Variants in PLCB4 observed in about 807,000 individuals in gnomAD.
The protein encoded by PLCB4 is phospholipase C beta 4, also known as 1-phosphatidylinositol 4,5-bisphosphate phosphodiesterase beta-4.
PLCB4 carries 77 observed loss-of-function variants against 178.8 expected under a neutral mutation model. That is an observed-to-expected ratio of 0.43 (90% CI 0.36 to 0.52). The LOEUF is 0.52. PLCB4 is among the 20% of genes least tolerant of loss of function. PLCB4 has a pLI of 0.00. For missense variants in PLCB4, 1,024 were observed against 1,453.4 expected (o/e 0.70, Z 4.80); for synonymous variants, 496 against 490.8 (o/e 1.01, Z -0.14).
chr20:9,396,839 A>G (rs2038624387), intron 19 of PLCB4, among the ~76,000 whole-genome samples: 1 of 152,244 alleles, frequency 6.6e-6, no homozygotes. Flanking sequence ...TAATTAAAAA[A>G]TACCTATTGC....
At chr20:9,325,238 A>G (rs1176991747) in intron 4 of PLCB4, among the ~76,000 whole-genome samples, 2 of 152,120 alleles carry the variant, frequency 1.3e-5, no homozygotes, top group East Asian at 1.9e-4. Flanking sequence ...TGTGTTTTTA[A>G]TATTTGTTGT....
chr20:9,371,016 G>C, intron 9 of PLCB4, 198 bp from the exon 10 acceptor site: 1 of 545,556 alleles, frequency 1.8e-6, no homozygotes, highest in South Asian at 2.4e-5. Context: ...TGCATCACTA[G>C]ACTAACCAGC....
intron 9 of PLCB4, among the ~76,000 whole-genome samples, chr20:9,367,893 A>G (rs1306296743): frequency 1.3e-5 from 2 of 152,178 alleles, no homozygotes; most frequent in Admixed American, 6.5e-5. Context: ...CATGGACTCC[A>G]TGGTGCTTGC....
chr20:9,261,725 T>G (rs144996913), intron 3 of PLCB4, among the ~76,000 whole-genome samples: 162 of 152,328 alleles, frequency 1.1e-3, no homozygotes, highest in African/African-American at 3.6e-3. Flanking sequence ...TTTCCTAAGC[T>G]GTTAATGTTA....
chr20:9,391,645 C>T (rs2038155732), intron 17 of PLCB4, among the ~76,000 whole-genome samples: 1 of 152,210 alleles, frequency 6.6e-6, no homozygotes, highest in South Asian at 2.1e-4. Flanking sequence ...TGCAGGTGAC[C>T]TGCCCATATC....
intron 3 of PLCB4, among the ~76,000 whole-genome samples, chr20:9,235,078 A>G (rs1249788962): frequency 1.3e-5 from 2 of 152,280 alleles, no homozygotes; most frequent in Admixed American, 1.3e-4. Flanking sequence ...TGTGATGGAC[A>G]ATGGAATATA....
intron 2 of PLCB4, among the ~76,000 whole-genome samples, chr20:9,103,182 T>G (rs554994057): frequency 6.6e-6 from 1 of 152,200 alleles, no homozygotes; most frequent in African/African-American, 2.4e-5. Flanking sequence ...ACTACTCCAG[T>G]ATGGAGTGCT....
Position 9,479,131 on chromosome 20 carries a change from A to C in PLCB4, c.*122A>C, listed in dbSNP as rs2044745227. 1.4e-6 allele frequency: 1 copy of C among 713,600 alleles called. No homozygotes were observed. The highest frequency in any genetic ancestry group is 2.5e-6 in the Non-Finnish European group (1 of 407,478). 44.2% of individuals were successfully genotyped at this position (713,600 alleles called of 1,614,324 possible). On this transcript the variant is annotated 3_prime_UTR_variant, in exon 40 of 40. Coordinates refer to ENST00000378473, the MANE Select transcript of PLCB4 (RefSeq NM_001377142.1). ...AACAAGATGATATCTGAAACCAGAG[A>C]GACTTGGAATGTCTGACTGACTTCT... is the stretch of plus-strand genomic sequence containing the variant.
At chr20:9,270,833 A>G (rs8119188) in intron 3 of PLCB4, among the ~76,000 whole-genome samples, 1 of 151,856 alleles carries the variant, frequency 6.6e-6, no homozygotes, top group Admixed American at 6.6e-5. Context: ...CCAAAAAAAA[A>G]CAAATATTTT....
At chr20:9,424,036 A>G (rs2040827112) in intron 28 of PLCB4, 84 bp downstream of exon 28, 1 of 902,222 alleles carries the variant, frequency 1.1e-6, no homozygotes, top group African/African-American at 1.6e-5. Flanking sequence ...CATGCTTTAA[A>G]AAACAATAAA....
chr20:9,135,374 G>A lies in PLCB4; in HGVS notation c.-79+39032G>A, dbSNP rs148519216. Among the ~76,000 whole-genome samples the A allele has an allele frequency of 2.8e-3, 431 of 152,172 alleles. 1 individual carries two copies. Among genetic ancestry groups the A allele is most frequent in the African/African-American group, 9.9e-3 (411 of 41,530 alleles). ...CTCAGAGTAATTATTGAATTCATCG[G>A]TTGATCATTTTTTATGGAATATCCT... On this transcript the variant is annotated intron_variant, in intron 2 of 39. Transcript: ENST00000378473.
chr20:9,166,754 G>C (rs977667887), intron 2 of PLCB4: 1 of 152,094 alleles, frequency 6.6e-6, no homozygotes, highest in African/African-American at 2.4e-5. Context: ...ATATAGAGGG[G>C]GCAGTTTTGT....
chr20:9,196,363 A>G (rs2093472749), intron 2 of PLCB4, among the ~76,000 whole-genome samples: 1 of 152,200 alleles, frequency 6.6e-6, no homozygotes, highest in African/African-American at 2.4e-5. Context: ...ATGTAAATGG[A>G]CAACTGGGTG....
chr20:9,068,912 C>G (rs915596918), upstream of PLCB4: 1 of 144,758 alleles, frequency 6.9e-6, no homozygotes, highest in Non-Finnish European at 1.5e-5. Flanking sequence ...AGGTAAGGAC[C>G]GCGCGGCGCG....
intron 3 of PLCB4, among the ~76,000 whole-genome samples, chr20:9,244,890 C>G (rs1016858976): frequency 9.2e-5 from 14 of 152,046 alleles, no homozygotes; most frequent in African/African-American, 3.4e-4. Flanking sequence ...TAGTCTTCTT[C>G]TTGAGTCTGT....
At chr20:9,431,135 G>A (rs953661808) in intron 28 of PLCB4, among the ~76,000 whole-genome samples, 1 of 152,136 alleles carries the variant, frequency 6.6e-6, no homozygotes, top group Admixed American at 6.5e-5. Context: ...GAAGGCTCTC[G>A]GGAAGAATCC....
chr20:9,452,956 C>A (rs1477072467), intron 32 of PLCB4, among the ~76,000 whole-genome samples: 2 of 152,194 alleles, frequency 1.3e-5, no homozygotes, highest in African/African-American at 2.4e-5. Flanking sequence ...GCTGAACTTG[C>A]ATGTTTGAGG....
chr20:9,310,399 T>C (rs1429115894), intron 4 of PLCB4, among the ~76,000 whole-genome samples: 1 of 152,096 alleles, frequency 6.6e-6, no homozygotes, highest in Non-Finnish European at 1.5e-5. Context: ...AAACATAAAA[T>C]TGTATTCCAT....
intron 25 of PLCB4, among the ~76,000 whole-genome samples, chr20:9,418,497 G>A (rs190384070): frequency 7.8e-4 from 119 of 152,196 alleles, no homozygotes; most frequent in African/African-American, 2.8e-3. Context: ...TTTATTTATA[G>A]ACTTTGATTC....
Sources: allele counts gnomAD v4.1 joint callset (sites outside exome capture counted in the v4.1 genomes callset), GRCh38; gene constraint gnomAD v4.1.1; transcripts MANE v1.5; gene names NCBI Gene and HGNC (gene_info 2026-07-23, HGNC 2026-07-21).